Variants in LRP2 observed in about 807,000 individuals in gnomAD.
The protein encoded by LRP2 is low-density lipoprotein receptor-related protein 2.
In LRP2, 172 loss-of-function variants were observed where a neutral mutation model predicts 531.0. The ratio of observed to expected loss-of-function variants is 0.32; its 90% CI spans 0.29 to 0.37. LRP2 has a LOEUF of 0.37. Ranked by LOEUF, LRP2 falls within the 10% of genes least tolerant of loss-of-function variation. The probability of loss-of-function intolerance (pLI) is 1.00; values close to 1 mark genes in which losing one functional copy is unlikely to be tolerated. For synonymous variants in LRP2, 1,992 were observed against 2,027.6 expected, an observed-to-expected ratio of 0.98 and a Z score of 0.47; for missense variants, 5,167 against 5,868.3, an observed-to-expected ratio of 0.88 and a Z score of 3.90.
At chr2:169,200,956 G>A (rs1222629303) in intron 44 of LRP2, among the ~76,000 whole-genome samples, 1 of 152,180 alleles carries the variant, frequency 6.6e-6, no homozygotes, top group East Asian at 1.9e-4. Context: ...GCCTCATAAG[G>A]TGATGCAACA....
At chr2:169,138,198 T>C (rs766321451) in intron 75 of LRP2, among the ~76,000 whole-genome samples, 12 of 152,290 alleles carry the variant, frequency 7.9e-5, no homozygotes, top group East Asian at 1.9e-4. Context: ...GAAAAATATA[T>C]GACACTAGGA....
At chr2:169,342,042 C>G (rs1685577003) in intron 1 of LRP2, among the ~76,000 whole-genome samples, 1 of 152,032 alleles carries the variant, frequency 6.6e-6, no homozygotes. Context: ...GGCAGGGATA[C>G]TCAGGCATTG....
intron 13 of LRP2, among the ~76,000 whole-genome samples, chr2:169,275,827 T>C (rs933986541): frequency 6.6e-6 from 1 of 151,878 alleles, no homozygotes; most frequent in African/African-American, 2.4e-5. Flanking sequence ...ATCATACTTG[T>C]AATGGAGGCC....
rs1685883691 is a variant in LRP2 at position 169,145,779 on chromosome 2, C to T, written c.12956G>A (p.Arg4319Gln). The T allele has an allele frequency of 6.2e-7, 1 of 1,614,142 alleles. No individual in the cohort carries two copies. Among genetic ancestry groups the T allele is most frequent in the Non-Finnish European group, 8.5e-7 (1 of 1,180,006 alleles). The change falls in exon 70 of 79, where the codon CGA (arginine) becomes CAA (glutamine). Residue 4319 changes from arginine to glutamine, a missense_variant. This residue lies in a region of LRP2 where 564 missense variants were observed against 747.7 expected (regional missense o/e 0.75). Coordinates refer to ENST00000649046, the MANE Select transcript of LRP2 (RefSeq NM_004525.3). The part of the protein sequence containing the change: ...LVVNPWLTQV[R>Q]IFHQLRYNKS... Reference sequence around the variant, plus strand: ...ATTGTATCTGAGTTGATGAAAGATTCGAACTTGAGTGAGCCAAGGGTTCAC... The same window carrying T: ...ATTGTATCTGAGTTGATGAAAGATTTGAACTTGAGTGAGCCAAGGGTTCAC...
chr2:169,131,524 T>C (rs1475457239), intron 77 of LRP2, among the ~76,000 whole-genome samples: 1 of 152,232 alleles, frequency 6.6e-6, no homozygotes. Context: ...TCTTAGACTT[T>C]CATTTCTTTA....
chr2:169,279,288 G>T, intron 12 of LRP2, 84 bp downstream of exon 12: 6 of 1,003,882 alleles, frequency 6.0e-6, no homozygotes, highest in Non-Finnish European at 7.9e-6. Context: ...ATGAGCCTTT[G>T]ATTAATCCAG....
intron 16 of LRP2, among the ~76,000 whole-genome samples, chr2:169,261,301 C>T (rs12988804): frequency 0.24 from 35,718 of 151,796 alleles, 4,379 homozygotes; most frequent in South Asian, 0.32. Flanking sequence ...CTCCTGAGGG[C>T]TTCATTCAGC....
chr2:169,147,053 G>T, intron 68 of LRP2, 94 bp from the exon 69 acceptor site: 1 of 975,316 alleles, frequency 1.0e-6, no homozygotes, highest in Non-Finnish European at 1.6e-6. Flanking sequence ...GAAACCAACT[G>T]TTTATCTCAG....
At chr2:169,312,562 C>T (rs1361384495) in intron 3 of LRP2, among the ~76,000 whole-genome samples, 2 of 152,132 alleles carry the variant, frequency 1.3e-5, no homozygotes, top group Non-Finnish European at 2.9e-5. Flanking sequence ...GAGTTTCTGC[C>T]GAGAGATCAG....
chr2:169,212,688 C>G (rs899002984), intron 36 of LRP2, among the ~76,000 whole-genome samples: 10 of 149,290 alleles, frequency 6.7e-5, no homozygotes, highest in Admixed American at 6.7e-4. Flanking sequence ...CCAAACATCG[C>G]ATGTTCTCAC....
At chr2:169,162,441 C>T in intron 63 of LRP2, 31 bp downstream of exon 63, 3 of 1,613,146 alleles carry the variant, frequency 1.9e-6, no homozygotes, top group South Asian at 1.1e-5. Context: ...TGAGTTACTA[C>T]AATGAACTAT....
At position 169,282,695 on chromosome 2, in the gene LRP2, A is replaced by C. The variant is rs17848204; in HGVS notation, c.1171+178T>G. On this transcript the variant is annotated intron_variant, in intron 10 of 78. Transcript: ENST00000649046. Reference sequence around the variant, plus strand: ...GTCGACAAATTGGTCCTTAATAATCAAAGTATGAAATTAATGTTGACCAAT... The same window carrying C: ...GTCGACAAATTGGTCCTTAATAATCCAAGTATGAAATTAATGTTGACCAAT... Among the ~76,000 whole-genome samples the C allele has an allele frequency of 9.9e-5, 15 of 152,204 alleles. No homozygotes were observed. In the East Asian group the frequency reaches 2.9e-3, roughly 29 times the overall value.
At chr2:169,261,705 A>G (rs1423924405) in intron 16 of LRP2, among the ~76,000 whole-genome samples, 2 of 152,110 alleles carry the variant, frequency 1.3e-5, no homozygotes, top group Admixed American at 1.3e-4. Flanking sequence ...AATGATTCCA[A>G]TCAATAGAAA....
intron 44 of LRP2, among the ~76,000 whole-genome samples, chr2:169,200,842 G>A (rs749291151): frequency 1.3e-5 from 2 of 152,124 alleles, no homozygotes; most frequent in Non-Finnish European, 1.5e-5. Context: ...AACAACCACC[G>A]ATGGATGCTA....
intron 29 of LRP2, 96 bp from the exon 30 acceptor site, chr2:169,233,684 T>C: frequency 9.4e-7 from 1 of 1,068,682 alleles, no homozygotes; most frequent in Non-Finnish European, 1.4e-6. Flanking sequence ...ACGGTTTCCT[T>C]TAACATGTCA....
chr2:169,191,777 C>CCAG, intron 48 of LRP2, 55 bp downstream of exon 48: 1 of 1,525,624 alleles, frequency 6.6e-7, no homozygotes, highest in East Asian at 2.2e-5. Context: ...GTAAGTGAGC[C>CCAG]CAGCCCCCAT....
chr2:169,221,694 A>T (rs1689010330), intron 33 of LRP2, among the ~76,000 whole-genome samples: 1 of 143,124 alleles, frequency 7.0e-6, no homozygotes, highest in East Asian at 2.0e-4. Context: ...ACGCACACAT[A>T]CACACACACA....
At chr2:169,214,842 A>C (rs1427164055) in intron 35 of LRP2, among the ~76,000 whole-genome samples, 1 of 152,220 alleles carries the variant, frequency 6.6e-6, no homozygotes, top group Non-Finnish European at 1.5e-5. Flanking sequence ...GGCCATGCCT[A>C]GTCAAGGCCA....
At chr2:169,315,424 C>G (rs896513256) in intron 3 of LRP2, among the ~76,000 whole-genome samples, 8 of 152,152 alleles carry the variant, frequency 5.3e-5, no homozygotes, top group African/African-American at 1.9e-4. Flanking sequence ...TGACACCTCC[C>G]TGGGTCTTAA....
Sources: allele counts gnomAD v4.1 joint callset (sites outside exome capture counted in the v4.1 genomes callset), GRCh38; gene constraint gnomAD v4.1.1; regional missense constraint gnomAD v4.1.1; transcripts MANE v1.5; gene names NCBI Gene and HGNC (gene_info 2026-07-23, HGNC 2026-07-21).